The following UTP6 variants were observed in gnomAD, a reference collection of about 807,000 sequenced individuals.
The protein encoded by UTP6 is UTP6 small subunit processome component, also known as U3 small nucleolar RNA-associated protein 6 homolog.
UTP6 carries 60 observed loss-of-function variants against 96.5 expected under a neutral mutation model. The ratio of observed to expected loss-of-function variants is 0.62; its 90% CI spans 0.51 to 0.77. The LOEUF (loss-of-function observed/expected upper bound fraction) is 0.77. Ranked by LOEUF, UTP6 falls within the 30% of genes least tolerant of loss-of-function variation. The pLI is 0.00. For missense variants in UTP6, 637 were observed against 706.5 expected (o/e 0.90, Z 1.12); for synonymous variants, 215 against 240.1 (o/e 0.90, Z 0.96).
Position 31,889,383 on chromosome 17 carries a change from T to C in UTP6, c.445A>G (p.Lys149Glu). ...GACAATCGATCTTCCATTTCCCATT[T>C]GGCTGCCATAATCCACAAAGCTGTA... ...NKPALWIMAAKWEMEDRLSSE... is the reference protein window; with the variant it reads ...NKPALWIMAAEWEMEDRLSSE... Residue 149 changes from lysine (K) to glutamate (E), a missense_variant, in exon 7 of 19, where the codon AAA becomes GAA. Transcript: ENST00000261708. The C allele has an allele frequency of 6.2e-7, 1 of 1,613,580 alleles. No individual in the cohort carries two copies. Among genetic ancestry groups the C allele is most frequent in the Non-Finnish European group, 8.5e-7 (1 of 1,179,724 alleles).
At chr17:31,880,423 AAT>A in intron 11 of UTP6, 148 bp downstream of exon 11, 5 of 958,762 alleles carry the variant, frequency 5.2e-6, no homozygotes, top group South Asian at 1.7e-5. Context: ...TCTGCCTCCC[AAT>A]AAAAAAAAAA....
chr17:31,901,651 C>A lies in UTP6; in HGVS notation c.-24G>T, dbSNP rs1355006213. On this transcript the variant is annotated 5_prime_UTR_variant, in exon 1 of 19. Transcript: ENST00000261708. Reference sequence around the variant, plus strand: ...ATGAGGTCCGAGGTCTACAACCCCGCGGGTAGCTTCTCAACAGCGAACACG... The same window carrying A: ...ATGAGGTCCGAGGTCTACAACCCCGAGGGTAGCTTCTCAACAGCGAACACG... The A allele has an allele frequency of 1.9e-6, 3 of 1,610,254 alleles. No individual in the cohort carries two copies. The highest frequency in any genetic ancestry group is 2.5e-6 in the Non-Finnish European group (3 of 1,178,586).
chr17:31,869,825 T>A (rs1910049696), intron 16 of UTP6, among the ~76,000 whole-genome samples: 1 of 152,200 alleles, frequency 6.6e-6, no homozygotes, highest in Non-Finnish European at 1.5e-5. Context: ...CCTCCATTCC[T>A]CCTACCCTCC....
At chr17:31,870,156 G>C (rs1017072239) in intron 16 of UTP6, among the ~76,000 whole-genome samples, 1 of 152,010 alleles carries the variant, frequency 6.6e-6, no homozygotes. Context: ...TGTCTTTTTG[G>C]TAGAATTATT....
Position 31,887,505 on chromosome 17 carries a change from A to G in UTP6, c.544-192T>C, listed in dbSNP as rs1342141141. 1.5e-5 allele frequency: 8 copies of G among 521,292 alleles called. No homozygotes were observed. The East Asian group carries it at 2.4e-4, about 16-fold the overall frequency. The allele number at this position is 521,292 out of a possible 1,614,324, so 32.3% of individuals were successfully genotyped here. ...TAGGATTAGAGGTGCATTCCATCAC[A>G]CTCAGATAATTTTTTTATTTTTATT... On this transcript the variant is annotated intron_variant, in intron 7 of 18. Transcript: ENST00000261708.
Position 31,871,104 on chromosome 17 carries a change from C to T in UTP6, c.1496+2274G>A, listed in dbSNP as rs1910146669. On this transcript the variant is annotated intron_variant, in intron 16 of 18. Transcript: ENST00000261708. ...TCCCAGGTTCACGCCATGCTCCTGC[C>T]TTAGCCTCCCAAGTAGCTGGGAATA... 2.6e-5 allele frequency among the ~76,000 whole-genome samples: 4 copies of T among 151,246 alleles called. No homozygotes were observed. In the Admixed American group the frequency reaches 2.7e-4, roughly 10 times the overall value.
intron 2 of UTP6, among the ~76,000 whole-genome samples, chr17:31,896,078 T>A (rs938168515): frequency 6.6e-6 from 1 of 151,456 alleles, no homozygotes; most frequent in Non-Finnish European, 1.5e-5. Context: ...CTGGTTTTTT[T>A]TTATTGTTTG....
chr17:31,884,102 G>T (rs555414549), intron 10 of UTP6, among the ~76,000 whole-genome samples: 14 of 151,020 alleles, frequency 9.3e-5, no homozygotes, highest in South Asian at 4.2e-4. Flanking sequence ...AGGTTCAAGC[G>T]AGTCTCCTGG....
At chr17:31,886,657 C>T (rs1213935266) in intron 8 of UTP6, 1 of 152,826 alleles carries the variant, frequency 6.5e-6, no homozygotes, top group African/African-American at 2.4e-5. Flanking sequence ...AGGAGCAACA[C>T]TCCGTCTGAG....
intron 6 of UTP6, among the ~76,000 whole-genome samples, chr17:31,891,452 T>C (rs552788736): frequency 2.0e-5 from 3 of 152,222 alleles, no homozygotes; most frequent in African/African-American, 4.8e-5. Context: ...GTGCCAAATG[T>C]AGTCTATTTG....
intron 12 of UTP6, 58 bp from the exon 13 acceptor site, chr17:31,878,385 T>A (rs985232115): frequency 1.4e-5 from 21 of 1,523,558 alleles, no homozygotes; most frequent in Non-Finnish European, 1.9e-5. Flanking sequence ...GCCTCTGGCC[T>A]CTGACATGAA....
chr17:31,875,089 A>G (rs1910416514), intron 14 of UTP6, 145 bp downstream of exon 14: 1 of 853,454 alleles, frequency 1.2e-6, no homozygotes, highest in East Asian at 2.5e-5. Flanking sequence ...AAATTCTTCT[A>G]CTCTTAACCT....
Position 31,884,473 on chromosome 17 carries a change from C to G in UTP6, c.736G>C (p.Ala246Pro), listed in dbSNP as rs539855524. The G allele has an allele frequency of 6.2e-7, 1 of 1,611,186 alleles. No homozygotes were observed. Among genetic ancestry groups the G allele is most frequent in the Non-Finnish European group, 8.5e-7 (1 of 1,178,898 alleles). The part of the protein sequence containing the change: ...AEFHVSLLSI[A>P]QLFDFAKDLQ... The stretch of plus-strand genomic sequence containing the variant: ...TCTTTGGCAAAGTCAAATAGCTGTG[C>G]AATCGAAAGCAGTGACACGTGAAAT... Residue 246 changes from alanine to proline, a missense_variant, in exon 10 of 19, where the codon GCA (alanine) becomes CCA (proline). Transcript: ENST00000261708.
chr17:31,868,851 C>T (rs543609697), intron 16 of UTP6, among the ~76,000 whole-genome samples: 156 of 152,254 alleles, frequency 1.0e-3, no homozygotes, highest in Middle Eastern at 3.4e-3. Context: ...TGGTGGCTCA[C>T]ACCTGTAATC....
rs147689068 is a variant in UTP6 at position 31,890,153 on chromosome 17, C to T, written c.425-750G>A. ...CTGGGACCACATGCATACACCATCACGCCCACCTAAATTTTGTAACTTTGT... is the reference window on the plus strand; with the variant it reads ...CTGGGACCACATGCATACACCATCATGCCCACCTAAATTTTGTAACTTTGT... On this transcript the variant is annotated intron_variant, in intron 6 of 18. Transcript: ENST00000261708. Among the ~76,000 whole-genome samples, 380 of 152,090 alleles carry T rather than the reference C, an allele frequency of 2.5e-3. 1 individual carries two copies. Among genetic ancestry groups the T allele is most frequent in the African/African-American group, 8.4e-3 (347 of 41,540 alleles).
intron 1 of UTP6, among the ~76,000 whole-genome samples, chr17:31,900,655 C>T (rs970694925): frequency 1.3e-5 from 2 of 152,132 alleles, no homozygotes; most frequent in East Asian, 1.9e-4. Flanking sequence ...AAATTTCTTT[C>T]CGAAATTCCT....
intron 14 of UTP6, among the ~76,000 whole-genome samples, chr17:31,874,564 C>T (rs1910378857): frequency 6.6e-6 from 1 of 151,296 alleles, no homozygotes; most frequent in Admixed American, 6.6e-5. Flanking sequence ...GGAAAAACCA[C>T]CAAATGAGCA....
intron 10 of UTP6, among the ~76,000 whole-genome samples, chr17:31,881,255 C>G (rs1242410758): frequency 1.3e-5 from 2 of 150,152 alleles, no homozygotes; most frequent in African/African-American, 2.4e-5. Context: ...TCAGAATTGT[C>G]CCACTTTTTC....
At chr17:31,897,661 C>G (rs1328721999) in intron 2 of UTP6, among the ~76,000 whole-genome samples, 4 of 151,920 alleles carry the variant, frequency 2.6e-5, no homozygotes, top group Non-Finnish European at 5.9e-5. Context: ...GTTGGCCAGG[C>G]TGGTCTCGAA....
Sources: allele counts gnomAD v4.1 joint callset (sites outside exome capture counted in the v4.1 genomes callset), GRCh38; gene constraint gnomAD v4.1.1; transcripts MANE v1.5; gene names NCBI Gene and HGNC (gene_info 2026-07-23, HGNC 2026-07-21).